ERBIN: variants seen among roughly 807,000 people sequenced by gnomAD.
ERBIN encodes erbb2 interacting protein, also known as densin-180-like protein.
In ERBIN, 60 loss-of-function variants were observed where a neutral mutation model predicts 158.4. The observed-to-expected ratio is 0.38, with a 90% CI of 0.31 to 0.47. The LOEUF is 0.47. ERBIN is among the 20% of genes least tolerant of loss of function. The probability of loss-of-function intolerance (pLI) is 0.99; values close to 1 mark genes in which losing one functional copy is unlikely to be tolerated. For synonymous variants in ERBIN, 594 were observed against 557.2 expected (o/e 1.07, Z -0.93); for missense variants, 1,610 against 1,648.0 (o/e 0.98, Z 0.40).
At chr5:65,998,851 T>G (rs1376802301) in intron 4 of ERBIN, among the ~76,000 whole-genome samples, 1 of 133,668 alleles carries the variant, frequency 7.5e-6, no homozygotes, top group Non-Finnish European at 1.5e-5. Context: ...GCCGTGATCA[T>G]GCCATGGCAC....
At chr5:66,047,298 A>G (rs776751812) in intron 18 of ERBIN, among the ~76,000 whole-genome samples, 3 of 152,134 alleles carry the variant, frequency 2.0e-5, no homozygotes, top group Non-Finnish European at 4.4e-5. Context: ...TATAGCATAT[A>G]TCAACACAGC....
chr5:66,021,562 A>G (rs766236057), intron 8 of ERBIN, among the ~76,000 whole-genome samples, 177 bp downstream of exon 8: 1 of 152,114 alleles, frequency 6.6e-6, no homozygotes, highest in Non-Finnish European at 1.5e-5. Context: ...AACCAGACAG[A>G]TGAACTTCTG....
chr5:65,987,610 C>T (rs538869785), intron 1 of ERBIN, among the ~76,000 whole-genome samples: 5 of 151,926 alleles, frequency 3.3e-5, no homozygotes, highest in African/African-American at 9.7e-5. Context: ...CCCAGAACTT[C>T]GGGAGGCCAA....
In ERBIN at chr5:66,004,878, G is replaced by A. The variant is rs991069673; in HGVS notation, c.308-7171G>A. On this transcript the variant is annotated intron_variant, in intron 4 of 25. Transcript: ENST00000284037. ...TATAGCATGTGTGAGGACTGTTCCC[G>A]GGGTAACTAAAACAGTGTGAGCAAG... 2.6e-5 allele frequency among the ~76,000 whole-genome samples: 4 copies of A among 152,220 alleles called. No homozygotes were observed. In the South Asian group the frequency reaches 6.2e-4, roughly 24 times the overall value.
At chr5:65,987,367 T>TACACACACGCACAC (rs1554053505) in intron 1 of ERBIN, among the ~76,000 whole-genome samples, 3 of 135,684 alleles carry the variant, frequency 2.2e-5, no homozygotes, top group Non-Finnish European at 4.7e-5. Flanking sequence ...AGAGACTGTC[T>TACACACACGCACAC]ACACACACAC....
intron 1 of ERBIN, among the ~76,000 whole-genome samples, chr5:65,980,544 A>G (rs1006195405): frequency 1.3e-5 from 2 of 152,244 alleles, no homozygotes; most frequent in African/African-American, 4.8e-5. Flanking sequence ...AAATTGTCAA[A>G]TTTGATTTCT....
chr5:66,015,199 A>C (rs979777411), intron 7 of ERBIN, among the ~76,000 whole-genome samples: 4 of 152,162 alleles, frequency 2.6e-5, no homozygotes, highest in Non-Finnish European at 4.4e-5. Flanking sequence ...AGAGATGGCA[A>C]TCCAGGAGCA....
At chr5:66,077,630 G>GA (rs1030612911) in intron 25 of ERBIN, among the ~76,000 whole-genome samples, 1 of 151,672 alleles carries the variant, frequency 6.6e-6, no homozygotes, top group African/African-American at 2.4e-5. Flanking sequence ...TTTAAGCTTA[G>GA]AAAAAAGCCA....
intron 15 of ERBIN, among the ~76,000 whole-genome samples, chr5:66,038,872 A>T (rs969219836): frequency 1.6e-4 from 25 of 152,058 alleles, no homozygotes; most frequent in Non-Finnish European, 3.5e-4. Context: ...TTGAACTCTG[A>T]CTATAAATAC....
intron 22 of ERBIN, among the ~76,000 whole-genome samples, chr5:66,074,045 ATTTTTTTTTT>A (rs397884229): frequency 3.3e-5 from 3 of 91,926 alleles, no homozygotes; most frequent in African/African-American, 4.3e-5. Context: ...TGCCCAGCTA[ATTTTTTTTTT>A]TTTTTTTTTT....
rs1762405150 is a variant in ERBIN, at chr5:66,081,946, C to G, written c.*3416C>G. 1.3e-5 allele frequency: 2 copies of G among 151,680 alleles called. No homozygotes were observed. The highest frequency in any genetic ancestry group is 1.3e-4 in the Admixed American group (2 of 15,238). The allele number at this position is 151,680 out of a possible 1,614,324, so 9.4% of individuals were successfully genotyped here. A position where few individuals can be genotyped will look rare whatever the true frequency, so the allele number is the denominator to read the frequency against. Reference sequence around the variant, plus strand: ...ATCTAGACAGGCAGCCAACTCAGACCTTTGGGTATTCCTTTGTTTCTAAAT... The same window carrying G: ...ATCTAGACAGGCAGCCAACTCAGACGTTTGGGTATTCCTTTGTTTCTAAAT... On this transcript the variant is annotated 3_prime_UTR_variant, in exon 26 of 26. Transcript: ENST00000284037.
Position 66,048,668 on chromosome 5 carries a change from A to G in ERBIN, c.1790A>G (p.Glu597Gly). 1.3e-6 allele frequency: 2 copies of G among 1,594,080 alleles called. No individual in the cohort carries two copies. Among genetic ancestry groups the G allele is most frequent in the Non-Finnish European group, 1.7e-6 (2 of 1,167,308 alleles). ...HIVNHDDVFE[E>G]SEELSSDEEM... ...TCCCCCTCACCCCCTTTTCACTAGG[A>G]ATCTGAAGAACTTTCTTCTGATGAA... Residue 597 changes from glutamate to glycine, a missense_variant and splice_region_variant, in exon 19 of 26, where the codon GAA (glutamate) becomes GGA (glycine). This residue lies in a region of ERBIN where 596 missense variants were observed against 711.9 expected (regional missense o/e 0.84). Coordinates refer to ENST00000284037, the MANE Select transcript of ERBIN (RefSeq NM_001253697.2).
At position 65,992,758 on chromosome 5, in the gene ERBIN, T is replaced by A; in HGVS notation, c.40T>A (p.Cys14Ser). The change falls in exon 3 of 26, where the codon TGT becomes AGT. Residue 14 changes from cysteine (C) to serine (S), a missense_variant. By Grantham distance (112) the Cys-to-Ser change is moderately radical. Around this residue, in one of 2 missense-constraint regions of ERBIN, gnomAD observed 596 missense variants for 711.9 expected, o/e 0.84. Coordinates refer to ENST00000284037, the MANE Select transcript of ERBIN (RefSeq NM_001253697.2). The stretch of plus-strand genomic sequence containing the variant: ...AAGTTTGTTTGTGCGGTTGGTACCA[T>A]GTCGCTGTCTACGAGGGGAAGAGGA... ...KRSLFVRLVP[C>S]RCLRGEEETV... 6.2e-7 allele frequency: 1 copy of A among 1,613,020 alleles called. No homozygotes were observed. The highest frequency in any genetic ancestry group is 8.5e-7 in the Non-Finnish European group (1 of 1,179,660).
At chr5:65,966,980 G>A (rs946947418) in intron 1 of ERBIN, among the ~76,000 whole-genome samples, 1 of 152,016 alleles carries the variant, frequency 6.6e-6, no homozygotes, top group Non-Finnish European at 1.5e-5. Flanking sequence ...TATAAAATAA[G>A]GATATAGGAG....
chr5:66,000,211 A>AT (rs958313286), intron 4 of ERBIN, among the ~76,000 whole-genome samples: 4 of 152,196 alleles, frequency 2.6e-5, no homozygotes, highest in African/African-American at 4.8e-5. Flanking sequence ...ATCAGTCTTT[A>AT]TGGTATAGAA....
At chr5:65,930,171 C>T (rs185765083) in intron 1 of ERBIN, among the ~76,000 whole-genome samples, 1 of 152,122 alleles carries the variant, frequency 6.6e-6, no homozygotes, top group African/African-American at 2.4e-5. Flanking sequence ...TGTTTATCAC[C>T]TCAAAAAACT....
chr5:66,044,996 C>G (rs1758286317), intron 17 of ERBIN, among the ~76,000 whole-genome samples: 1 of 152,078 alleles, frequency 6.6e-6, no homozygotes, highest in Non-Finnish European at 1.5e-5. Flanking sequence ...AGGAGAGTCA[C>G]TGGAGGCCAG....
At chr5:65,988,048 T>C (rs1198282035) in intron 1 of ERBIN, among the ~76,000 whole-genome samples, 1 of 152,158 alleles carries the variant, frequency 6.6e-6, no homozygotes, top group Non-Finnish European at 1.5e-5. Context: ...CTCAAGAGTT[T>C]ATAAATGTAT....
intron 4 of ERBIN, among the ~76,000 whole-genome samples, chr5:65,997,140 A>C (rs775164081): frequency 6.6e-6 from 1 of 152,194 alleles, no homozygotes; most frequent in Non-Finnish European, 1.5e-5. Flanking sequence ...CTTAAGTACA[A>C]CGTTGAAAAG....
Sources: allele counts gnomAD v4.1 joint callset (sites outside exome capture counted in the v4.1 genomes callset), GRCh38; gene constraint gnomAD v4.1.1; regional missense constraint gnomAD v4.1.1; transcripts MANE v1.5; gene names NCBI Gene and HGNC (gene_info 2026-07-23, HGNC 2026-07-21).